Variants in TLN2 observed in about 807,000 individuals in gnomAD.
TLN2 encodes talin-2.
Under a neutral mutation model 294.7 loss-of-function variants are expected in TLN2, and 118 were observed. The ratio of observed to expected loss-of-function variants is 0.40; its 90% CI spans 0.34 to 0.47. The LOEUF (loss-of-function observed/expected upper bound fraction) is 0.47, where lower values mean the gene tolerates loss of function less well. Ranked by LOEUF, TLN2 falls within the 20% of genes least tolerant of loss-of-function variation. TLN2 has a pLI of 0.84. For synonymous variants in TLN2, 1,431 were observed against 1,304.5 expected, an observed-to-expected ratio of 1.10 and a Z score of -2.09; for missense variants, 3,083 against 3,282.2, an observed-to-expected ratio of 0.94 and a Z score of 1.48.
chr15:62,476,289 C>G (rs145322226), intron 1 of TLN2: 1 of 152,424 alleles, frequency 6.6e-6, no homozygotes, highest in African/African-American at 2.4e-5. Context: ...ACACGGCTAC[C>G]TGCACTGACA....
At chr15:62,753,365 C>T (rs1347518326) in intron 35 of TLN2, among the ~76,000 whole-genome samples, 1 of 152,188 alleles carries the variant, frequency 6.6e-6, no homozygotes, top group Non-Finnish European at 1.5e-5. Flanking sequence ...CAGCTCCACA[C>T]CATTAGTCTG....
chr15:62,799,104 G>A (rs2065741011), intron 48 of TLN2, among the ~76,000 whole-genome samples: 1 of 152,180 alleles, frequency 6.6e-6, no homozygotes, highest in South Asian at 2.1e-4. Flanking sequence ...TAATTTCACT[G>A]TGGATGAGGA....
intron 1 of TLN2, among the ~76,000 whole-genome samples, chr15:62,441,189 A>G (rs1486929038): frequency 6.6e-6 from 1 of 152,140 alleles, no homozygotes; most frequent in Non-Finnish European, 1.5e-5. Flanking sequence ...GGCCCCTCAC[A>G]TGGAGGGATC....
rs781297837 is a variant in TLN2, at chr15:62,482,602, C to CAAA, written c.-238+91938_-238+91940dup. Among the ~76,000 whole-genome samples, 385 of 75,640 alleles carry CAAA rather than the reference C, an allele frequency of 5.1e-3. 3 individuals are homozygous for CAAA. Among genetic ancestry groups the CAAA allele is most frequent in the African/African-American group, 0.016 (337 of 21,122 alleles). 49.6% of individuals were successfully genotyped at this position (75,640 alleles called of 152,430 possible). ...GGACAACAAGAGTAAAACGTTGTCT[C>CAAA]AAAAAAAAAAAAAAAAAAAAAAAGA... is the stretch of plus-strand genomic sequence containing the variant. On this transcript the variant is annotated intron_variant, in intron 1 of 58. Transcript: ENST00000636159.
chr15:62,631,570 T>C (rs2049868240), intron 3 of TLN2, among the ~76,000 whole-genome samples: 1 of 145,162 alleles, frequency 6.9e-6, no homozygotes. Flanking sequence ...TCCTTTCCTT[T>C]CCTTTCTTTC....
chr15:62,586,448 A>G (rs894992031), intron 1 of TLN2, among the ~76,000 whole-genome samples: 1 of 152,246 alleles, frequency 6.6e-6, no homozygotes, highest in African/African-American at 2.4e-5. Flanking sequence ...GTGCATCTAC[A>G]AGGAATTATG....
chr15:62,416,634 T>C (rs2034101475), intron 1 of TLN2, among the ~76,000 whole-genome samples: 1 of 152,238 alleles, frequency 6.6e-6, no homozygotes. Flanking sequence ...TATAGCATTA[T>C]CTTCCTTGAT....
At chr15:62,546,832 A>C (rs943506709) in intron 1 of TLN2, among the ~76,000 whole-genome samples, 2 of 152,222 alleles carry the variant, frequency 1.3e-5, no homozygotes, top group Non-Finnish European at 2.9e-5. Flanking sequence ...TAGAGCAATG[A>C]GGAGAACAAA....
chr15:62,776,722 C>T, intron 42 of TLN2, 42 bp from the exon 43 acceptor site: 1 of 1,424,990 alleles, frequency 7.0e-7, no homozygotes. Context: ...CTGAGCACCG[C>T]TCTCTTCTGC....
At chr15:62,393,562 A>G (rs2032278495) in intron 1 of TLN2, among the ~76,000 whole-genome samples, 1 of 152,220 alleles carries the variant, frequency 6.6e-6, no homozygotes, top group African/African-American at 2.4e-5. Flanking sequence ...TCTCTAGAGC[A>G]GTAAAGGACG....
chr15:62,685,549 T>C (rs543381558), intron 11 of TLN2, among the ~76,000 whole-genome samples: 1 of 152,344 alleles, frequency 6.6e-6, no homozygotes, highest in Non-Finnish European at 1.5e-5. Context: ...GGATAGATAG[T>C]GACACATTTT....
At chr15:62,579,515 G>A (rs1471288321) in intron 1 of TLN2, among the ~76,000 whole-genome samples, 1 of 152,164 alleles carries the variant, frequency 6.6e-6, no homozygotes, top group Non-Finnish European at 1.5e-5. Context: ...GTTGCTGGGG[G>A]CTGAGAAGAC....
Position 62,738,230 on chromosome 15 carries a change from C to T in TLN2, c.3584C>T (p.Ser1195Leu). Reference protein sequence around the residue: ...QRLAQVAKAVSHSLNNCVNCL... With the variant: ...QRLAQVAKAVLHSLNNCVNCL... ...CGAATTCAGGTGGCTAAAGCCGTCT[C>T]ACACTCCTTGAATAACTGCGTAAAT... The change falls in exon 30 of 59, where the codon TCA (serine) becomes TTA (leucine). Residue 1195 changes from serine to leucine, a missense_variant. Transcript: ENST00000636159. 6.2e-7 allele frequency: 1 copy of T among 1,613,922 alleles called. No homozygotes were observed. The highest frequency in any genetic ancestry group is 8.5e-7 in the Non-Finnish European group (1 of 1,179,902).
At chr15:62,628,678 C>T (rs2140880240) in intron 3 of TLN2, among the ~76,000 whole-genome samples, 1 of 152,272 alleles carries the variant, frequency 6.6e-6, no homozygotes, top group South Asian at 2.1e-4. Context: ...TGAGATCACG[C>T]ACTGGAGCAG....
At chr15:62,397,703 A>T (rs902087811) in intron 1 of TLN2, among the ~76,000 whole-genome samples, 1 of 152,188 alleles carries the variant, frequency 6.6e-6, no homozygotes, top group Admixed American at 6.5e-5. Context: ...CCAAACTAAA[A>T]TGCATGGAAA....
rs147450372 is a variant in TLN2 at position 62,562,762 on chromosome 15, C to A, written c.-237-26925C>A. Reference sequence around the variant, plus strand: ...TTCTTATGCCTTTGCATCTTTGTAGCTTAGCTCCCACTTACGAGTGAGAAT... The same window carrying A: ...TTCTTATGCCTTTGCATCTTTGTAGATTAGCTCCCACTTACGAGTGAGAAT... On this transcript the variant is annotated intron_variant, in intron 1 of 58. Transcript: ENST00000636159. 3.3e-5 allele frequency among the ~76,000 whole-genome samples: 5 copies of A among 152,186 alleles called. No individual in the cohort carries two copies. In the East Asian group the frequency reaches 9.6e-4, roughly 29 times the overall value.
At chr15:62,587,803 C>G (rs1032328351) in intron 1 of TLN2, among the ~76,000 whole-genome samples, 2 of 152,194 alleles carry the variant, frequency 1.3e-5, no homozygotes, top group Non-Finnish European at 1.5e-5. Flanking sequence ...ATGAAAGTGC[C>G]TATAACATTG....
intron 1 of TLN2, among the ~76,000 whole-genome samples, chr15:62,587,335 T>C (rs2045692288): frequency 6.6e-6 from 1 of 152,238 alleles, no homozygotes; most frequent in African/African-American, 2.4e-5. Context: ...GCTCATTTTA[T>C]GAAATTTAAA....
chr15:62,490,449 G>A (rs1007413244), intron 1 of TLN2, among the ~76,000 whole-genome samples: 1 of 152,224 alleles, frequency 6.6e-6, no homozygotes, highest in Non-Finnish European at 1.5e-5. Context: ...AAGACAGTTG[G>A]TTGGAAACAT....
Sources: allele counts gnomAD v4.1 joint callset (sites outside exome capture counted in the v4.1 genomes callset), GRCh38; gene constraint gnomAD v4.1.1; transcripts MANE v1.5; gene names NCBI Gene and HGNC (gene_info 2026-07-23, HGNC 2026-07-21).